Variants in PSMA8 observed in about 807,000 individuals in gnomAD.
The protein encoded by PSMA8 is proteasome 20S subunit alpha 8, also known as proteasome subunit alpha-type 8.
Under a neutral mutation model 32.4 loss-of-function variants are expected in PSMA8, and 18 were observed. The observed-to-expected ratio is 0.56, with a 90% CI of 0.38 to 0.82. The LOEUF (loss-of-function observed/expected upper bound fraction) is 0.82, where lower values mean the gene tolerates loss of function less well. Ranked by LOEUF, PSMA8 falls within the 40% of genes least tolerant of loss-of-function variation. The probability of loss-of-function intolerance (pLI) is 0.00; values close to 1 mark genes in which losing one functional copy is unlikely to be tolerated. For synonymous variants in PSMA8, 104 were observed against 98.1 expected (o/e 1.06, Z -0.36); for missense variants, 298 against 300.7 (o/e 0.99, Z 0.07).
intron 4 of PSMA8, among the ~76,000 whole-genome samples, chr18:26,165,571 T>C (rs188749795): frequency 0.058 from 8,731 of 151,212 alleles, 739 homozygotes; most frequent in African/African-American, 0.19. Context: ...AAGGGAATTT[T>C]CCCCCCCCAA....
chr18:26,171,928 T>C lies in PSMA8; in HGVS notation c.478-6902T>C, dbSNP rs1344133331. Among the ~76,000 whole-genome samples the C allele has an allele frequency of 2.6e-5, 4 of 152,244 alleles. No individual in the cohort carries two copies. The East Asian group carries it at 5.8e-4, about 22-fold the overall frequency. ...CAGCATGAGTATCAGCATATTTGCA[T>C]AGATTCCCTTTATCCTCAAGACCCA... On this transcript the variant is annotated intron_variant, in intron 4 of 6. Transcript: ENST00000415576.
intron 3 of PSMA8, among the ~76,000 whole-genome samples, chr18:26,157,505 G>A (rs2144305253): frequency 6.6e-6 from 1 of 152,236 alleles, no homozygotes; most frequent in East Asian, 1.9e-4. Flanking sequence ...ATTCCAGGAA[G>A]TTCCCTACCA....
intron 6 of PSMA8, among the ~76,000 whole-genome samples, chr18:26,188,133 A>G (rs2144361986): frequency 6.6e-6 from 1 of 152,226 alleles, no homozygotes; most frequent in African/African-American, 2.4e-5. Flanking sequence ...TAACTAGAGG[A>G]ATTTTGGAAA....
In PSMA8 at chr18:26,187,286, G is replaced by A. The variant is rs546702390; in HGVS notation, c.661-5033G>A. ...ACTTGAGCCTAGGGTGGCAGAGGTC[G>A]TAGTGAGCTGAGATCATGCCACTGC... On this transcript the variant is annotated intron_variant, in intron 6 of 6. Coordinates refer to ENST00000415576, the MANE Select transcript of PSMA8 (RefSeq NM_001025096.2). Among the ~76,000 whole-genome samples the A allele has an allele frequency of 1.5e-3, 221 of 152,260 alleles. 1 individual carries two copies. Among genetic ancestry groups the A allele is most frequent in the African/African-American group, 5.1e-3 (210 of 41,558 alleles).
At chr18:26,146,774 T>G (rs2055006467) in intron 2 of PSMA8, among the ~76,000 whole-genome samples, 1 of 152,088 alleles carries the variant, frequency 6.6e-6, no homozygotes, top group Non-Finnish European at 1.5e-5. Flanking sequence ...CAGTCCATTC[T>G]TGCATTGCTA....
Position 26,151,883 on chromosome 18 carries a change from A to G in PSMA8, c.255A>G (p.Val85=), listed in dbSNP as rs1453657943. Reference sequence around the variant, plus strand: ...GACTTACTGCTGATGCTAGAGTAGTAATAAACAGAGCCCGTGTGGAGTGCC... The same window carrying G: ...GACTTACTGCTGATGCTAGAGTAGTGATAAACAGAGCCCGTGTGGAGTGCC... ...FAGLTADARV[V]INRARVECQS... Residue 85 remains valine (V), a synonymous_variant, in exon 3 of 7, where the codon GTA becomes GTG. Transcript: ENST00000415576. 2 of 1,610,662 alleles carry G rather than the reference A, an allele frequency of 1.2e-6. No individual in the cohort carries two copies. Among genetic ancestry groups the G allele is most frequent in the South Asian group, 2.2e-5 (2 of 90,534 alleles).
intron 1 of PSMA8, among the ~76,000 whole-genome samples, chr18:26,141,326 A>C (rs2054954058): frequency 6.6e-6 from 1 of 152,204 alleles, no homozygotes; most frequent in South Asian, 2.1e-4. Flanking sequence ...CTTTGATATT[A>C]ACATATTCAT....
chr18:26,150,966 T>G (rs1038623894), intron 2 of PSMA8, among the ~76,000 whole-genome samples: 1 of 152,256 alleles, frequency 6.6e-6, no homozygotes, highest in African/African-American at 2.4e-5. Flanking sequence ...TTGCCATTTC[T>G]TTCTCATAGA....
chr18:26,178,880 G>A lies in PSMA8; in HGVS notation c.528G>A (p.Lys176=). The A allele has an allele frequency of 6.2e-7, 1 of 1,613,740 alleles. No individual in the cohort carries two copies. Among genetic ancestry groups the A allele is most frequent in the South Asian group, 1.1e-5 (1 of 91,010 alleles). Residue 176 remains lysine (K), a synonymous_variant, in exon 5 of 7, where the codon AAG becomes AAA. Transcript: ENST00000415576. The part of the protein sequence containing the change: ...SAKTVREFLE[K]NYTEDAIASD... The stretch of plus-strand genomic sequence containing the variant: ...AAACTGTTCGAGAATTTCTAGAAAA[G>A]AATTACACAGAAGATGCCATAGCAA...
intron 6 of PSMA8, among the ~76,000 whole-genome samples, chr18:26,181,956 T>C (rs968073691): frequency 4.7e-5 from 7 of 150,286 alleles, no homozygotes; most frequent in African/African-American, 1.5e-4. Context: ...TTGTTACTGA[T>C]ATGGAGGTTT....
Position 26,144,949 on chromosome 18 carries a change from T to G in PSMA8, c.229+264T>G, listed in dbSNP as rs180824073. Reference sequence around the variant, plus strand: ...CTTTTTATTTTTAAATAATTACAGATTTAGAAGAAGCTACCAAAAACATAG... The same window carrying G: ...CTTTTTATTTTTAAATAATTACAGAGTTAGAAGAAGCTACCAAAAACATAG... On this transcript the variant is annotated intron_variant, in intron 2 of 6. Transcript: ENST00000415576. 3.4e-3 allele frequency among the ~76,000 whole-genome samples: 516 copies of G among 151,308 alleles called. 3 individuals carry two copies. Among genetic ancestry groups the G allele is most frequent in the African/African-American group, 0.012 (484 of 41,156 alleles).
intron 6 of PSMA8, among the ~76,000 whole-genome samples, 193 bp from the exon 7 acceptor site, chr18:26,192,126 C>T (rs2055408413): frequency 1.3e-5 from 2 of 152,254 alleles, no homozygotes; most frequent in East Asian, 3.9e-4. Flanking sequence ...GTAGAAATGT[C>T]AGAGATCTGG....
At chr18:26,177,311 C>T in intron 4 of PSMA8, among the ~76,000 whole-genome samples, 1 of 152,286 alleles carries the variant, frequency 6.6e-6, no homozygotes, top group East Asian at 1.9e-4. Context: ...AAAAATCCCA[C>T]AATACACAGG....
intron 2 of PSMA8, among the ~76,000 whole-genome samples, 174 bp downstream of exon 2, chr18:26,144,859 G>A (rs2054990051): frequency 6.6e-6 from 1 of 152,098 alleles, no homozygotes; most frequent in Non-Finnish European, 1.5e-5. Context: ...TTTTGATAAA[G>A]TACAAATGTT....
intron 6 of PSMA8, 24 bp downstream of exon 6, chr18:26,179,154 A>C (rs765193893): frequency 1.3e-6 from 2 of 1,571,508 alleles, no homozygotes; most frequent in Admixed American, 1.7e-5. Flanking sequence ...CAAAGAGGAA[A>C]AAGTATCTGT....
intron 3 of PSMA8, among the ~76,000 whole-genome samples, chr18:26,153,118 C>A (rs532252403): frequency 1.8e-4 from 27 of 152,168 alleles, no homozygotes; most frequent in African/African-American, 6.5e-4. Context: ...ATGTCTACAA[C>A]TATTTTTTTT....
At chr18:26,183,079 G>A (rs1171523285) in intron 6 of PSMA8, among the ~76,000 whole-genome samples, 2 of 146,376 alleles carry the variant, frequency 1.4e-5, no homozygotes, top group Admixed American at 1.4e-4. Flanking sequence ...GCAGCAGAAC[G>A]AGACTCTGTC....
intron 4 of PSMA8, among the ~76,000 whole-genome samples, chr18:26,163,860 A>G (rs1280364042): frequency 6.6e-6 from 1 of 152,214 alleles, no homozygotes; most frequent in Non-Finnish European, 1.5e-5. Context: ...AAGCAGGGAG[A>G]TAAGTTACAG....
At chr18:26,159,000 T>A (rs1019595547) in intron 4 of PSMA8, among the ~76,000 whole-genome samples, 4 of 151,874 alleles carry the variant, frequency 2.6e-5, no homozygotes, top group African/African-American at 9.7e-5. Context: ...AATGCCCCCC[T>A]GCCCCCCGCA....
Sources: allele counts gnomAD v4.1 joint callset (sites outside exome capture counted in the v4.1 genomes callset), GRCh38; gene constraint gnomAD v4.1.1; transcripts MANE v1.5; gene names NCBI Gene and HGNC (gene_info 2026-07-23, HGNC 2026-07-21).